Variants in ANKRD26 observed in about 807,000 individuals in gnomAD.
The protein encoded by ANKRD26 is ankyrin repeat domain-containing protein 26.
Under a neutral mutation model 208.7 loss-of-function variants are expected in ANKRD26, and 141 were observed. That is an observed-to-expected ratio of 0.68 (90% CI 0.59 to 0.78). The LOEUF (loss-of-function observed/expected upper bound fraction) is 0.78, where lower values mean the gene tolerates loss of function less well. ANKRD26 is among the 30% of genes least tolerant of loss of function. The pLI is 0.00. For synonymous variants in ANKRD26, 636 were observed against 660.4 expected (o/e 0.96, Z 0.57); for missense variants, 1,889 against 1,938.7 (o/e 0.97, Z 0.48).
downstream of ANKRD26, among the ~76,000 whole-genome samples, chr10:26,988,672 G>A (rs758525365): frequency 7.0e-4 from 106 of 152,078 alleles, 1 homozygote; most frequent in Non-Finnish European, 5.7e-4. Flanking sequence ...ATACTGGCTG[G>A]GAGTGGGTAC....
At chr10:27,012,756 G>A (rs1441609604) in intron 32 of ANKRD26, 126 bp downstream of exon 32, 4 of 864,800 alleles carry the variant, frequency 4.6e-6, no homozygotes, top group Non-Finnish European at 7.3e-6. Context: ...AGGTTGCAGT[G>A]AGCCAAGATG....
intron 5 of ANKRD26, among the ~76,000 whole-genome samples, chr10:26,977,507 G>A (rs2052244992): frequency 6.6e-6 from 1 of 152,098 alleles, no homozygotes; most frequent in African/African-American, 2.4e-5. Flanking sequence ...ATGATATTTT[G>A]TTACATTTTG....
At position 27,029,342 on chromosome 10, in the gene ANKRD26, C is replaced by T. The variant is rs769368549; in HGVS notation, c.3822G>A (p.Gln1274=). 8 of 1,612,274 alleles carry T rather than the reference C, an allele frequency of 5.0e-6. No homozygotes were observed. The Admixed American group carries it at 5.0e-5, about 10-fold the overall frequency. Residue 1274 remains glutamine (Q), a synonymous_variant, in exon 26 of 34, where the codon CAG becomes CAA. Coordinates refer to ENST00000376087, the MANE Select transcript of ANKRD26 (RefSeq NM_014915.3). ...GQIRNQLQEA[Q]DRHTEAVRCA... Reference sequence around the variant, plus strand: ...ATCTGACAGCTTCTGTATGTCGATCCTGTGCTTCTTGCAACTAAAACAAAG... The same window carrying T: ...ATCTGACAGCTTCTGTATGTCGATCTTGTGCTTCTTGCAACTAAAACAAAG...
intron 6 of ANKRD26, among the ~76,000 whole-genome samples, chr10:27,082,457 T>G (rs1309427453): frequency 6.6e-6 from 1 of 152,204 alleles, no homozygotes; most frequent in African/African-American, 2.4e-5. Context: ...AACATAGAAC[T>G]AAATGTAGGT....
intron 5 of ANKRD26, among the ~76,000 whole-genome samples, chr10:27,084,872 C>CAAA (rs375120568): frequency 1.0e-5 from 1 of 99,376 alleles, no homozygotes; most frequent in African/African-American, 4.3e-5. Flanking sequence ...AACTCCATTT[C>CAAA]AAAAAAAAAA....
At chr10:27,096,236 G>A (rs1055930301) in intron 1 of ANKRD26, among the ~76,000 whole-genome samples, 2 of 151,992 alleles carry the variant, frequency 1.3e-5, no homozygotes, top group African/African-American at 2.4e-5. Flanking sequence ...CATCTTCCCT[G>A]ACAGCTCTGT....
chr10:27,028,585 C>CAAAAAAAAAAAAAAAAAAAAAAAAAAAAA (rs11294303), intron 27 of ANKRD26, among the ~76,000 whole-genome samples: 2 of 76,060 alleles, frequency 2.6e-5, no homozygotes, highest in African/African-American at 1.2e-4. Context: ...GACTCCATCT[C>CAAAAAAAAAAAAAAAAAAAAAAAAAAAAA]AAAAAAAAAA....
At chr10:27,054,230 T>G (rs79704159) in intron 15 of ANKRD26, among the ~76,000 whole-genome samples, 136 of 152,322 alleles carry the variant, frequency 8.9e-4, no homozygotes, top group Non-Finnish European at 1.3e-3. Context: ...ACAGTCTTTA[T>G]CTATTTTACT....
At chr10:26,989,357 T>C (rs1417479173), downstream of ANKRD26, among the ~76,000 whole-genome samples, 1 of 152,228 alleles carries the variant, frequency 6.6e-6, no homozygotes, top group Non-Finnish European at 1.5e-5. Context: ...CATTACTAAA[T>C]CATGGTAAAT....
intron 15 of ANKRD26, among the ~76,000 whole-genome samples, chr10:27,058,274 A>C (rs563535610): frequency 2.6e-4 from 40 of 152,176 alleles, no homozygotes; most frequent in Non-Finnish European, 5.1e-4. Context: ...AATCCCTAGA[A>C]TCCAATATCC....
chr10:26,972,045 C>A (rs919785725), downstream of ANKRD26, among the ~76,000 whole-genome samples: 24 of 152,012 alleles, frequency 1.6e-4, no homozygotes, highest in Admixed American at 2.6e-4. Flanking sequence ...ACCATCCTGG[C>A]TAACACGGTG....
intron 30 of ANKRD26, 57 bp downstream of exon 30, chr10:27,017,445 A>ATATCCAAATTG: frequency 3.8e-6 from 6 of 1,566,000 alleles, no homozygotes; most frequent in Non-Finnish European, 5.3e-6. Context: ...TATAATGTAT[A>ATATCCAAATTG]TATCCAAAAT....
the ANKRD26 span, among the ~76,000 whole-genome samples, chr10:26,955,998 AT>A: frequency 6.6e-6 from 1 of 152,212 alleles, no homozygotes; most frequent in South Asian, 2.1e-4. Context: ...TAAAGTTAAT[AT>A]TATTAGTCTA....
chr10:27,100,398 A>G lies in ANKRD26; in HGVS notation c.-72T>C. 1.3e-6 allele frequency: 2 copies of G among 1,590,278 alleles called. No homozygotes were observed. Among genetic ancestry groups the G allele is most frequent in the East Asian group, 2.2e-5 (1 of 44,792 alleles). On this transcript the variant is annotated 5_prime_UTR_variant, in exon 1 of 34. Coordinates refer to ENST00000376087, the MANE Select transcript of ANKRD26 (RefSeq NM_014915.3). ...CTTAACGGCCTCCGGAGCCCAACAT[A>G]ACAAGTCAGCCCCGGCTGGCCGCAG...
intron 5 of ANKRD26, among the ~76,000 whole-genome samples, chr10:27,084,509 G>A (rs2056043496): frequency 6.6e-6 from 1 of 152,076 alleles, no homozygotes; most frequent in Non-Finnish European, 1.5e-5. Flanking sequence ...GTGTCTTCAT[G>A]CAGTTCAGAT....
chr10:26,963,417 C>A, the ANKRD26 span, among the ~76,000 whole-genome samples: 1 of 152,216 alleles, frequency 6.6e-6, no homozygotes, highest in African/African-American at 2.4e-5. Flanking sequence ...TGAATCTGCT[C>A]TGGCACAGTC....
At chr10:27,054,269 G>A (rs1589292154) in intron 15 of ANKRD26, among the ~76,000 whole-genome samples, 1 of 152,120 alleles carries the variant, frequency 6.6e-6, no homozygotes, top group South Asian at 2.1e-4. Context: ...TTCCTGCTAA[G>A]TTCTAAACAC....
chr10:27,086,463 T>G, intron 5 of ANKRD26, 76 bp downstream of exon 5: 1 of 1,564,580 alleles, frequency 6.4e-7, no homozygotes, highest in East Asian at 2.3e-5. Flanking sequence ...TGCTTTTCTG[T>G]GATCAACACT....
chr10:27,100,420 G>A lies in ANKRD26; in HGVS notation c.-94C>T. Reference sequence around the variant, plus strand: ...CATAACAAGTCAGCCCCGGCTGGCCGCAGCCTCCCAAAGGAAACTCCGCGG... The same window carrying A: ...CATAACAAGTCAGCCCCGGCTGGCCACAGCCTCCCAAAGGAAACTCCGCGG... On this transcript the variant is annotated 5_prime_UTR_variant, in exon 1 of 34. Coordinates refer to ENST00000376087, the MANE Select transcript of ANKRD26 (RefSeq NM_014915.3). 1.3e-6 allele frequency: 2 copies of A among 1,546,716 alleles called. No homozygotes were observed. Among genetic ancestry groups the A allele is most frequent in the Non-Finnish European group, 1.7e-6 (2 of 1,152,862 alleles).
Sources: gnomAD v4.1 joint callset for allele counts (sites outside exome capture counted in the v4.1 genomes callset) on GRCh38, gnomAD v4.1.1 for gene constraint, MANE v1.5 for transcripts, NCBI Gene and HGNC (gene_info 2026-07-23, HGNC 2026-07-21) for gene names.